Variants in FHIT observed in about 807,000 individuals in gnomAD.
FHIT encodes bis(5'-adenosyl)-triphosphatase.
A neutral mutation model predicts 17.9 loss-of-function variants in FHIT; 19 were observed. The observed-to-expected ratio is 1.06, with a 90% CI of 0.74 to 1.56. FHIT has a LOEUF of 1.56. Among genes scored for constraint, FHIT ranks in the 40% most tolerant of loss-of-function variants. The probability of loss-of-function intolerance (pLI) is 0.00; values close to 1 mark genes in which losing one functional copy is unlikely to be tolerated. For synonymous variants in FHIT, 81 were observed against 69.7 expected, an observed-to-expected ratio of 1.16 and a Z score of -0.81; for missense variants, 248 against 189.2, an observed-to-expected ratio of 1.31 and a Z score of -1.82.
intron 3 of FHIT, among the ~76,000 whole-genome samples, chr3:61,040,917 A>G (rs2033476896): frequency 6.6e-6 from 1 of 152,172 alleles, no homozygotes; most frequent in African/African-American, 2.4e-5. Context: ...GCATGTCCAT[A>G]AATCAGCAAT....
At chr3:60,168,755 T>C (rs1296469015) in intron 5 of FHIT, among the ~76,000 whole-genome samples, 1 of 152,230 alleles carries the variant, frequency 6.6e-6, no homozygotes, top group African/African-American at 2.4e-5. Context: ...AACTTGTCAA[T>C]GGCACCACAC....
intron 5 of FHIT, among the ~76,000 whole-genome samples, chr3:60,395,151 A>T (rs1701384219): frequency 6.6e-6 from 1 of 152,232 alleles, no homozygotes; most frequent in African/African-American, 2.4e-5. Context: ...AGGTCAGGCT[A>T]GATGCAGATT....
rs2037751596 is a variant in FHIT at position 60,581,592 on chromosome 3, T to A, written c.-17-44613A>T. On this transcript the variant is annotated intron_variant, in intron 4 of 9. Transcript: ENST00000492590. ...AAGTAAAACATTAGATTCATATCTATAATGAACTAAACACAAAGAACAGTA... is the reference window on the plus strand; with the variant it reads ...AAGTAAAACATTAGATTCATATCTAAAATGAACTAAACACAAAGAACAGTA... Among the ~76,000 whole-genome samples, 4 of 152,128 alleles carry A rather than the reference T, an allele frequency of 2.6e-5. No individual in the cohort carries two copies. The South Asian group carries it at 8.3e-4, about 31-fold the overall frequency.
chr3:60,924,801 A>C (rs1446445328), intron 3 of FHIT, among the ~76,000 whole-genome samples: 21 of 152,116 alleles, frequency 1.4e-4, no homozygotes, highest in Admixed American at 1.4e-3. Flanking sequence ...AAGAAGTAAA[A>C]AACCTTGAAA....
At chr3:60,691,671 T>A (rs2040995020) in intron 4 of FHIT, among the ~76,000 whole-genome samples, 1 of 152,198 alleles carries the variant, frequency 6.6e-6, no homozygotes, top group Non-Finnish European at 1.5e-5. Flanking sequence ...TGGCCATGAG[T>A]GTTTTTTAAA....
At chr3:59,963,211 G>A (rs1305829214) in intron 7 of FHIT, among the ~76,000 whole-genome samples, 1 of 150,834 alleles carries the variant, frequency 6.6e-6, no homozygotes, top group African/African-American at 2.4e-5. Flanking sequence ...AGTTCGCAAT[G>A]AGCCGAGATC....
intron 5 of FHIT, among the ~76,000 whole-genome samples, chr3:60,204,997 G>A (rs1456513128): frequency 1.3e-5 from 2 of 152,028 alleles, no homozygotes; most frequent in African/African-American, 4.8e-5. Context: ...TCAGGAGGCT[G>A]AGGTGGGAAG....
intron 4 of FHIT, among the ~76,000 whole-genome samples, chr3:60,616,430 T>A (rs2682983): frequency 0.49 from 74,200 of 152,062 alleles, 18,327 homozygotes; most frequent in East Asian, 0.56. Context: ...GATTCTTTTT[T>A]AAAATTTTTT....
At chr3:61,113,191 G>T (rs1001566208) in intron 2 of FHIT, among the ~76,000 whole-genome samples, 1 of 151,754 alleles carries the variant, frequency 6.6e-6, no homozygotes, top group Non-Finnish European at 1.5e-5. Context: ...TTTAATTTTT[G>T]TAGAGATGGG....
chr3:61,013,275 G>C (rs1210517928), intron 3 of FHIT, among the ~76,000 whole-genome samples: 1 of 152,106 alleles, frequency 6.6e-6, no homozygotes, highest in Non-Finnish European at 1.5e-5. Flanking sequence ...TTTGCTCTTT[G>C]ATCCACTCTC....
At chr3:60,826,821 C>T (rs573499199) in intron 3 of FHIT, among the ~76,000 whole-genome samples, 1 of 152,144 alleles carries the variant, frequency 6.6e-6, no homozygotes, top group African/African-American at 2.4e-5. Flanking sequence ...ACCAAGGGTA[C>T]ACCATGGACA....
intron 5 of FHIT, among the ~76,000 whole-genome samples, chr3:60,409,236 G>A (rs192645667): frequency 2.3e-4 from 35 of 152,250 alleles, no homozygotes; most frequent in Non-Finnish European, 3.7e-4. Context: ...GAGCATTTAG[G>A]GGTAAACTTC....
intron 3 of FHIT, among the ~76,000 whole-genome samples, chr3:61,023,579 C>T (rs374041842): frequency 5.9e-5 from 9 of 152,192 alleles, no homozygotes; most frequent in East Asian, 5.8e-4. Context: ...TGAGGCATCC[C>T]GCTACCTGAT....
intron 5 of FHIT, among the ~76,000 whole-genome samples, chr3:60,191,381 G>A (rs1012894901): frequency 4.6e-5 from 7 of 152,144 alleles, no homozygotes; most frequent in Non-Finnish European, 1.0e-4. Flanking sequence ...AAAACGGCAG[G>A]TTGTCACCTA....
intron 8 of FHIT, among the ~76,000 whole-genome samples, chr3:59,889,253 G>C (rs1447898189): frequency 6.6e-6 from 1 of 152,192 alleles, no homozygotes; most frequent in Non-Finnish European, 1.5e-5. Flanking sequence ...CAGGCATCAA[G>C]AGGCAGTCCA....
intron 5 of FHIT, among the ~76,000 whole-genome samples, chr3:60,477,642 G>T (rs1450840004): frequency 6.6e-6 from 1 of 152,160 alleles, no homozygotes; most frequent in Non-Finnish European, 1.5e-5. Flanking sequence ...TCTGGTAGAT[G>T]AATTTCATGC....
intron 3 of FHIT, among the ~76,000 whole-genome samples, chr3:60,870,523 G>C (rs1237058652): frequency 6.6e-6 from 1 of 152,130 alleles, no homozygotes; most frequent in Non-Finnish European, 1.5e-5. Flanking sequence ...TGGAGTTTCA[G>C]TTCCACAGGC....
intron 5 of FHIT, among the ~76,000 whole-genome samples, chr3:60,130,898 CATATATACACATATATGTATACAT>C (rs1379488937): frequency 1.4e-5 from 2 of 143,500 alleles, no homozygotes; most frequent in Non-Finnish European, 3.1e-5. Flanking sequence ...CACACATACA[CATATATACACATATATGTATACAT>C]ACATATATGT....
chr3:60,433,004 C>A (rs964286430), intron 5 of FHIT, among the ~76,000 whole-genome samples: 15 of 151,648 alleles, frequency 9.9e-5, no homozygotes, highest in African/African-American at 3.6e-4. Flanking sequence ...ACTGTACACA[C>A]ATTACACAGA....
Sources: gnomAD v4.1 joint callset for allele counts (sites outside exome capture counted in the v4.1 genomes callset) on GRCh38, gnomAD v4.1.1 for gene constraint, MANE v1.5 for transcripts, NCBI Gene and HGNC (gene_info 2026-07-23, HGNC 2026-07-21) for gene names.